Variants in GSE1 observed in about 807,000 individuals in gnomAD.
GSE1 encodes genetic suppressor element 1.
Under a neutral mutation model 112.6 loss-of-function variants are expected in GSE1, and 32 were observed. The observed-to-expected ratio is 0.28, with a 90% confidence interval of 0.21 to 0.38. GSE1 has a LOEUF of 0.38. Ranked by LOEUF, GSE1 falls within the 10% of genes least tolerant of loss-of-function variation. The probability of loss-of-function intolerance (pLI) is 1.00; values close to 1 mark genes in which losing one functional copy is unlikely to be tolerated. For synonymous variants in GSE1, 1,115 were observed against 735.6 expected, an observed-to-expected ratio of 1.52 and a Z score of -8.35; for missense variants, 2,348 against 1,699.2, an observed-to-expected ratio of 1.38 and a Z score of -6.71.
chr16:85,329,281 G>A (rs898732228), intron 1 of GSE1, among the ~76,000 whole-genome samples: 1 of 152,160 alleles, frequency 6.6e-6, no homozygotes, highest in African/African-American at 2.4e-5. Context: ...CTCCAGGGCT[G>A]GTGTGTGAAG....
upstream of GSE1, among the ~76,000 whole-genome samples, chr16:85,612,509 G>A (rs2048058440): frequency 6.6e-6 from 1 of 152,168 alleles, no homozygotes; most frequent in Admixed American, 6.5e-5. Flanking sequence ...TGATCCCCCT[G>A]GCGAAGCGGC....
At position 85,331,363 on chromosome 16, in the gene GSE1, G is replaced by GTATATATA. The variant is rs1396264079; in HGVS notation, c.2284-26099_2284-26098insATATATAT. ...TGTGTGTGTGTGTGTGTGTGTGTGT[G>GTATATATA]TGTATATATGTATATATATGTATAT... On this transcript the variant is annotated intron_variant, in intron 1 of 2. Coordinates refer to the GSE1 transcript ENST00000637419. Among the ~76,000 whole-genome samples the GTATATATA allele has an allele frequency of 2.9e-3, 131 of 45,424 alleles. 14 individuals are homozygous for GTATATATA. Among genetic ancestry groups the GTATATATA allele is most frequent in the Admixed American group, 7.6e-3 (29 of 3,814 alleles). The allele number at this position is 45,424 out of a possible 152,430, so 29.8% of individuals were successfully genotyped here.
intron 2 of GSE1, among the ~76,000 whole-genome samples, chr16:85,446,836 C>T (rs1199311742): frequency 2.6e-5 from 4 of 152,132 alleles, no homozygotes; most frequent in Non-Finnish European, 4.4e-5. Flanking sequence ...ACTGGAGCTT[C>T]CCGAGGTTCC....
chr16:85,192,792 G>C (rs1424237685), intron 1 of GSE1, among the ~76,000 whole-genome samples: 1 of 152,250 alleles, frequency 6.6e-6, no homozygotes, highest in East Asian at 1.9e-4. Context: ...TGTTGGAAGG[G>C]ACTAAGGCAG....
intron 1 of GSE1, among the ~76,000 whole-genome samples, chr16:85,171,967 G>A (rs1012621084): frequency 1.3e-5 from 2 of 152,248 alleles, no homozygotes; most frequent in African/African-American, 4.8e-5. Flanking sequence ...TCACTGGGCT[G>A]GTGCTTGGTG....
Position 85,656,436 on chromosome 16 carries a change from T to TGAGCGCGAACGCGAGAAG in GSE1, c.1092_1109dup (p.Arg365_Glu370dup), listed in dbSNP as rs758492937. ...CTGACCGCGAGCGGGAGAAGGAACGTGAGCGCGAACGCGAGAAGGAGCGCG... is the reference window on the plus strand; with the variant it reads ...CTGACCGCGAGCGGGAGAAGGAACGTGAGCGCGAACGCGAGAAGGAGCGCGAACGCGAGAAGGAGCGCG... On this transcript the variant is annotated inframe_insertion, in exon 7 of 16. Transcript: ENST00000253458. 2.0e-5 allele frequency: 32 copies of TGAGCGCGAACGCGAGAAG among 1,564,480 alleles called. No homozygotes were observed. Among genetic ancestry groups the TGAGCGCGAACGCGAGAAG allele is most frequent in the Non-Finnish European group, 2.7e-5 (31 of 1,150,546 alleles).
intron 2 of GSE1, among the ~76,000 whole-genome samples, chr16:85,420,356 G>A (rs56096615): frequency 0.048 from 7,375 of 152,228 alleles, 242 homozygotes; most frequent in Middle Eastern, 0.12. Context: ...GTGAGGGAAC[G>A]TACTTCTGTT....
At chr16:85,188,718 T>G (rs111910213) in intron 1 of GSE1, among the ~76,000 whole-genome samples, 2,516 of 152,026 alleles carry the variant, frequency 0.017, 73 homozygotes, top group African/African-American at 0.058. Context: ...GGAGGATTAC[T>G]TGAGCCGAGG....
intron 2 of GSE1, among the ~76,000 whole-genome samples, chr16:85,640,441 C>T (rs1402338864): frequency 3.3e-5 from 5 of 152,228 alleles, no homozygotes; most frequent in African/African-American, 7.2e-5. Context: ...CATCGAGGCC[C>T]GCGGGGCCCT....
intron 2 of GSE1, among the ~76,000 whole-genome samples, chr16:85,446,365 G>A (rs1363006607): frequency 6.6e-6 from 1 of 152,184 alleles, no homozygotes; most frequent in Non-Finnish European, 1.5e-5. Context: ...CTTCTGTCAA[G>A]CAGGGATAAA....
At chr16:85,210,970 G>C (rs1212098981) in intron 1 of GSE1, among the ~76,000 whole-genome samples, 1 of 152,212 alleles carries the variant, frequency 6.6e-6, no homozygotes, top group East Asian at 1.9e-4. Context: ...TGATCTTTGG[G>C]CCAGGAAGCT....
At chr16:85,290,945 G>C (rs986472270) in intron 1 of GSE1, among the ~76,000 whole-genome samples, 9 of 152,198 alleles carry the variant, frequency 5.9e-5, no homozygotes, top group African/African-American at 2.2e-4. Context: ...CCCAAGCAGG[G>C]AGCAGGGAAG....
At chr16:85,206,688 G>A (rs1421640188) in intron 1 of GSE1, among the ~76,000 whole-genome samples, 1 of 151,478 alleles carries the variant, frequency 6.6e-6, no homozygotes, top group Non-Finnish European at 1.5e-5. Flanking sequence ...TCCCCGGCTG[G>A]GCCCCCAGCG....
chr16:85,230,921 A>G (rs1904278001), intron 1 of GSE1, among the ~76,000 whole-genome samples: 2 of 149,770 alleles, frequency 1.3e-5, no homozygotes, highest in Non-Finnish European at 3.0e-5. Context: ...GAATGGATGG[A>G]TGGATGAATG....
In GSE1 at chr16:85,661,262, A is replaced by C. The variant is rs1598656603; in HGVS notation, c.1757A>C (p.Asn586Thr). ...QLHAAPTALW[N>T]PVSLMDNTLE... is the part of the protein sequence containing the mutation. ...CATGCTGCACCCACGGCCCTCTGGA[A>C]CCCCGTGTCCCTGATGGACAACACC... is the stretch of plus-strand genomic sequence containing the variant. Residue 586 changes from asparagine (N) to threonine (T), a missense_variant, in exon 9 of 16, where the codon AAC becomes ACC. Asn to Thr is a moderately conservative substitution (Grantham distance 65). Coordinates refer to ENST00000253458, the MANE Select transcript of GSE1 (RefSeq NM_014615.5). The C allele has an allele frequency of 6.2e-7, 1 of 1,612,734 alleles. No individual in the cohort carries two copies. Among genetic ancestry groups the C allele is most frequent in the Non-Finnish European group, 8.5e-7 (1 of 1,179,924 alleles).
chr16:85,235,399 G>C (rs538203111), intron 1 of GSE1, among the ~76,000 whole-genome samples: 1 of 151,428 alleles, frequency 6.6e-6, no homozygotes, highest in South Asian at 2.1e-4. Context: ...CGCAGCGGGG[G>C]GTGGGGTGAG....
At chr16:85,246,452 C>CGCT (rs1567636304) in intron 1 of GSE1, among the ~76,000 whole-genome samples, 10 of 109,824 alleles carry the variant, frequency 9.1e-5, no homozygotes, top group South Asian at 5.2e-4. Context: ...CACACACACA[C>CGCT]ACACACACCC....
At chr16:85,352,647 G>A (rs75734622) in intron 1 of GSE1, among the ~76,000 whole-genome samples, 1 of 152,168 alleles carries the variant, frequency 6.6e-6, no homozygotes, top group African/African-American at 2.4e-5. Context: ...GGATAAGGAA[G>A]GGGGGCCCTT....
At chr16:85,283,564 G>A (rs564971650) in intron 1 of GSE1, 1 of 152,594 alleles carries the variant, frequency 6.6e-6, no homozygotes. Context: ...GCCGGCGAGT[G>A]GGCTGGGCTG....
Sources: gnomAD v4.1 joint callset for allele counts (sites outside exome capture counted in the v4.1 genomes callset) on GRCh38, gnomAD v4.1.1 for gene constraint, MANE v1.5 for transcripts, NCBI Gene and HGNC (gene_info 2026-07-23, HGNC 2026-07-21) for gene names.